Variants in ACTL8 observed in about 807,000 individuals in gnomAD.
The protein encoded by ACTL8 is actin like 8.
Under a neutral mutation model 9.3 loss-of-function variants are expected in ACTL8, and 3 were observed. That is an observed-to-expected ratio of 0.32 (90% CI 0.15 to 0.83). The LOEUF (loss-of-function observed/expected upper bound fraction) is 0.83, where lower values mean the gene tolerates loss of function less well. Among genes scored for constraint, ACTL8 ranks in the 40% least tolerant of loss-of-function variants. The pLI, the probability that ACTL8 is intolerant of heterozygous loss-of-function variation, is 0.57. For missense variants in ACTL8, 381 were observed against 492.2 expected, an observed-to-expected ratio of 0.77 and a Z score of 2.14; for synonymous variants, 224 against 205.9, an observed-to-expected ratio of 1.09 and a Z score of -0.75.
intron 1 of ACTL8, among the ~76,000 whole-genome samples, chr1:17,762,002 A>G (rs2066009777): frequency 6.6e-6 from 1 of 152,034 alleles, no homozygotes; most frequent in Non-Finnish European, 1.5e-5. Flanking sequence ...CCTGGATCCC[A>G]GATGCTCCTG....
chr1:17,801,767 TAAG>T (rs1410770892), intron 1 of ACTL8, among the ~76,000 whole-genome samples: 2 of 152,194 alleles, frequency 1.3e-5, no homozygotes, highest in African/African-American at 4.8e-5. Context: ...CTGTAAACAT[TAAG>T]AAGCAAAATA....
At chr1:17,772,318 G>A (rs1276723408) in intron 1 of ACTL8, among the ~76,000 whole-genome samples, 2 of 152,082 alleles carry the variant, frequency 1.3e-5, no homozygotes, top group Admixed American at 6.5e-5. Flanking sequence ...TTTCTAGATA[G>A]GGACTTCCTT....
intron 1 of ACTL8, among the ~76,000 whole-genome samples, chr1:17,810,805 C>T (rs1477899011): frequency 6.6e-6 from 1 of 152,220 alleles, no homozygotes. Context: ...GTAATTTTGA[C>T]AGTCATGGAT....
At chr1:17,768,664 G>A (rs557618145) in intron 1 of ACTL8, among the ~76,000 whole-genome samples, 13 of 152,258 alleles carry the variant, frequency 8.5e-5, no homozygotes, top group South Asian at 2.1e-4. Context: ...ACAGTGATCC[G>A]GCTGGGCCTC....
chr1:17,814,107 A>G (rs765071765), intron 1 of ACTL8, among the ~76,000 whole-genome samples: 1 of 152,174 alleles, frequency 6.6e-6, no homozygotes, highest in Non-Finnish European at 1.5e-5. Context: ...CATTCACCAC[A>G]TGACATTTTG....
At position 17,826,565 on chromosome 1, in the gene ACTL8, G is replaced by A. The variant is rs765059023; in HGVS notation, c.*46G>A. 31 of 1,481,292 alleles carry A rather than the reference G, an allele frequency of 2.1e-5. No homozygotes were observed. The highest frequency in any genetic ancestry group is 2.8e-5 in the Non-Finnish European group (31 of 1,111,468). 91.8% of individuals were successfully genotyped at this position (1,481,292 alleles called of 1,614,324 possible). ...GAATGGGCTCCTGTTAGATGGGCAC[G>A]GGCGGATTAATTTTAGCAAAATGTT... is the stretch of plus-strand genomic sequence containing the variant. On this transcript the variant is annotated 3_prime_UTR_variant, in exon 3 of 3. Transcript: ENST00000375406. This position sits in a 1 kb window ranked among gnomAD's most constrained non-coding sequence, Gnocchi z 4.5.
intron 1 of ACTL8, among the ~76,000 whole-genome samples, chr1:17,756,275 A>G (rs2102670498): frequency 6.7e-6 from 1 of 149,938 alleles, no homozygotes. Context: ...CTAGTGGGGG[A>G]CTTATCTTTG....
intron 1 of ACTL8, among the ~76,000 whole-genome samples, chr1:17,814,927 C>G (rs2066416774): frequency 6.6e-6 from 1 of 152,176 alleles, no homozygotes; most frequent in Admixed American, 6.5e-5. Flanking sequence ...CAGTTTGTAC[C>G]ATAGCAAGAC....
At position 17,823,157 on chromosome 1, in the gene ACTL8, G is replaced by A. The variant is rs750906555; in HGVS notation, c.149G>A (p.Arg50His). 2.6e-5 allele frequency: 42 copies of A among 1,614,116 alleles called. No homozygotes were observed. The highest frequency in any genetic ancestry group is 1.6e-4 in the Middle Eastern group (1 of 6,084). ...CCTGGCCCCAGCTATGCCCGTAGGC[G>A]TGTGAGCCTGGGCATCGACATTTGC... ...ENPGPSYARR[R>H]VSLGIDICHP... The change falls in exon 2 of 3, where the codon CGT (arginine) becomes CAT (histidine). Residue 50 changes from arginine (R) to histidine (H), a missense_variant. Around this residue, in one of 3 missense-constraint regions of ACTL8, gnomAD observed 125 missense variants for 180.7 expected, o/e 0.69. Transcript: ENST00000375406. The surrounding 1 kb of genome is among the most constrained non-coding windows in gnomAD (Gnocchi z 5.3).
Position 17,823,071 on chromosome 1 carries a change from C to T in ACTL8, c.63C>T (p.Gly21=), listed in dbSNP as rs2296035. The change falls in exon 2 of 3, where the codon GGC becomes GGT. Residue 21 remains glycine, a synonymous_variant. Transcript: ENST00000375406. The surrounding 1 kb of genome is among the most constrained non-coding windows in gnomAD (Gnocchi z 5.3). The stretch of plus-strand genomic sequence containing the variant: ...GCTTTTTGAAGGCTGGCACGGCCGG[C>T]TGGAATGAGCCTCAGATGGTCTTCC... ...GSGFLKAGTA[G]WNEPQMVFPN... is the part of the protein sequence containing the mutation. The T allele has an allele frequency of 4.3e-6, 7 of 1,614,004 alleles. No individual in the cohort carries two copies. In the Admixed American group the frequency reaches 5.0e-5, roughly 12 times the overall value.
intron 1 of ACTL8, among the ~76,000 whole-genome samples, chr1:17,798,209 A>G (rs16830759): frequency 0.21 from 32,329 of 151,846 alleles, 4,240 homozygotes; most frequent in Admixed American, 0.38. Context: ...TGAAATATGC[A>G]GTGGGAGTGC....
intron 1 of ACTL8, among the ~76,000 whole-genome samples, chr1:17,817,124 G>A (rs1181974924): frequency 4.0e-5 from 6 of 151,290 alleles, no homozygotes; most frequent in Middle Eastern, 3.5e-3. Flanking sequence ...GTAGGAAAGA[G>A]GGCTGAAGGA....
chr1:17,826,033 C>G lies in ACTL8; in HGVS notation c.615C>G (p.Ala205=), dbSNP rs760320099. 3.7e-5 allele frequency: 59 copies of G among 1,606,412 alleles called. No individual in the cohort carries two copies. The highest frequency in any genetic ancestry group is 4.7e-5 in the Non-Finnish European group (56 of 1,179,984). ...GCCTGTTTCAGCTGGAGACAGTCGCCGTGACTCAGATGAACAAGTGCTACG... is the reference window on the plus strand; with the variant it reads ...GCCTGTTTCAGCTGGAGACAGTCGCGGTGACTCAGATGAACAAGTGCTACG... ...RRCLFQLETV[A]VTQMNKCYVP... is the part of the protein sequence containing the mutation. The change falls in exon 3 of 3, where the codon GCC becomes GCG. Residue 205 remains alanine, a synonymous_variant. Coordinates refer to ENST00000375406, the MANE Select transcript of ACTL8 (RefSeq NM_030812.3). This position sits in a 1 kb window ranked among gnomAD's most constrained non-coding sequence, Gnocchi z 4.5.
At chr1:17,756,310 GCT>G (rs1020971342) in intron 1 of ACTL8, among the ~76,000 whole-genome samples, 2 of 151,924 alleles carry the variant, frequency 1.3e-5, no homozygotes, top group African/African-American at 4.8e-5. Context: ...GCCCCCAGGG[GCT>G]CTTTCTTGGG....
At chr1:17,771,217 G>T (rs1429903040) in intron 1 of ACTL8, among the ~76,000 whole-genome samples, 2 of 152,162 alleles carry the variant, frequency 1.3e-5, no homozygotes, top group East Asian at 1.9e-4. Flanking sequence ...GCGTGGCTGT[G>T]TTCCAATAAA....
chr1:17,823,214 G>A lies in ACTL8; in HGVS notation c.206G>A (p.Arg69Gln), dbSNP rs1262299679. 3.1e-6 allele frequency: 5 copies of A among 1,614,056 alleles called. No individual in the cohort carries two copies. In the African/African-American group the frequency reaches 4.0e-5, roughly 13 times the overall value. Residue 69 changes from arginine to glutamine, a missense_variant, in exon 2 of 3, where the codon CGG (arginine) becomes CAG (glutamine). Around this residue, in one of 3 missense-constraint regions of ACTL8, gnomAD observed 125 missense variants for 180.7 expected, o/e 0.69. Transcript: ENST00000375406. This position sits in a 1 kb window ranked among gnomAD's most constrained non-coding sequence, Gnocchi z 5.3. ...HPDTFSYPIE[R>Q]GRILNWEGVQ... is the part of the protein sequence containing the mutation. ...GACACCTTTAGCTACCCCATCGAGCGGGGCCGCATCCTCAACTGGGAGGGT... is the reference window on the plus strand; with the variant it reads ...GACACCTTTAGCTACCCCATCGAGCAGGGCCGCATCCTCAACTGGGAGGGT...
chr1:17,755,572 T>G (rs1343027219), intron 1 of ACTL8, 68 bp downstream of exon 1: 1 of 151,656 alleles, frequency 6.6e-6, no homozygotes, highest in African/African-American at 2.4e-5. Flanking sequence ...TTTTTTTTTT[T>G]TGTCCTTCCT....
intron 1 of ACTL8, among the ~76,000 whole-genome samples, chr1:17,804,984 C>A (rs1393911898): frequency 6.6e-6 from 1 of 152,102 alleles, no homozygotes; most frequent in East Asian, 1.9e-4. Context: ...ACGGGACCCA[C>A]CTCCTCTCTG....
intron 1 of ACTL8, among the ~76,000 whole-genome samples, chr1:17,796,306 C>CTGTGTG (rs3063168): frequency 0.038 from 5,644 of 147,968 alleles, 128 homozygotes; most frequent in Middle Eastern, 0.075. Context: ...ATGCGTGCAC[C>CTGTGTG]TGTGTGTGTG....
Sources: gnomAD v4.1 joint callset for allele counts (sites outside exome capture counted in the v4.1 genomes callset) on GRCh38, gnomAD v4.1.1 for gene constraint, gnomAD v4.1.1 regional missense constraint, Gnocchi (gnomAD v3.1) non-coding constraint, MANE v1.5 for transcripts, NCBI Gene and HGNC (gene_info 2026-07-23, HGNC 2026-07-21) for gene names.